DHRS7B: variants seen among roughly 807,000 people sequenced by gnomAD.
The protein encoded by DHRS7B is dehydrogenase/reductase 7B.
In DHRS7B, 24 loss-of-function variants were observed where a neutral mutation model predicts 26.4. The ratio of observed to expected loss-of-function variants is 0.91; its 90% CI spans 0.66 to 1.28. DHRS7B has a LOEUF of 1.28. Among genes scored for constraint, DHRS7B ranks in the 50% most tolerant of loss-of-function variants. The pLI, the probability that DHRS7B is intolerant of heterozygous loss-of-function variation, is 0.00. For missense variants in DHRS7B, 368 were observed against 419.4 expected, an observed-to-expected ratio of 0.88 and a Z score of 1.07; for synonymous variants, 142 against 166.4, an observed-to-expected ratio of 0.85 and a Z score of 1.13.
intron 1 of DHRS7B, among the ~76,000 whole-genome samples, chr17:21,142,321 A>G (rs1973535495): frequency 6.6e-6 from 1 of 152,158 alleles, no homozygotes; most frequent in Non-Finnish European, 1.5e-5. Context: ...TATAGATAAC[A>G]TCAGTTGCTA....
intron 1 of DHRS7B, among the ~76,000 whole-genome samples, chr17:21,137,887 A>G (rs114267584): frequency 0.018 from 2,594 of 140,442 alleles, 101 homozygotes; most frequent in African/African-American, 0.066. Flanking sequence ...CACCGCACCC[A>G]GCCTCTGGCT....
chr17:21,154,404 A>C (rs980430565), intron 1 of DHRS7B, among the ~76,000 whole-genome samples: 38 of 152,222 alleles, frequency 2.5e-4, no homozygotes, highest in Non-Finnish European at 4.4e-4. Flanking sequence ...AGGAAAAAAA[A>C]CCCACCAACC....
intron 1 of DHRS7B, among the ~76,000 whole-genome samples, chr17:21,167,569 C>T (rs150511535): frequency 3.0e-4 from 45 of 152,176 alleles, no homozygotes; most frequent in Non-Finnish European, 5.1e-4. Flanking sequence ...TTCCAGATGC[C>T]GTGTGCACTA....
chr17:21,138,095 T>G (rs375437866), intron 1 of DHRS7B, among the ~76,000 whole-genome samples: 1 of 81,662 alleles, frequency 1.2e-5, no homozygotes, highest in Non-Finnish European at 2.2e-5. Flanking sequence ...TATATATATA[T>G]ATATATACAC....
intron 1 of DHRS7B, among the ~76,000 whole-genome samples, chr17:21,138,846 T>C (rs1002454386): frequency 1.3e-5 from 2 of 152,134 alleles, no homozygotes; most frequent in Non-Finnish European, 2.9e-5. Context: ...ATACCTATTA[T>C]TTAATTTAAT....
At chr17:21,153,216 CA>C (rs1973809985) in intron 1 of DHRS7B, among the ~76,000 whole-genome samples, 1 of 151,966 alleles carries the variant, frequency 6.6e-6, no homozygotes, top group African/African-American at 2.4e-5. Flanking sequence ...AGAAGAAAAA[CA>C]AAATGCTAGA....
intron 3 of DHRS7B, among the ~76,000 whole-genome samples, chr17:21,182,841 C>A (rs1206064632): frequency 6.6e-6 from 1 of 152,174 alleles, no homozygotes; most frequent in Non-Finnish European, 1.5e-5. Context: ...AGAGATATTG[C>A]TCTATAATTT....
chr17:21,179,826 G>A lies in DHRS7B; in HGVS notation c.309+1484G>A, dbSNP rs1160619353. Among the ~76,000 whole-genome samples the A allele has an allele frequency of 2.0e-5, 3 of 150,264 alleles. No individual in the cohort carries two copies. In the East Asian group the frequency reaches 5.9e-4, roughly 29 times the overall value. On this transcript the variant is annotated intron_variant, in intron 3 of 6. Transcript: ENST00000395511. ...TTGTTGCCGAGGCTGGAGTGCAACG[G>A]TGCGATCTCAGCTCACCACAACCTC...
chr17:21,174,841 G>T (rs1437197135), intron 2 of DHRS7B, among the ~76,000 whole-genome samples: 1 of 152,186 alleles, frequency 6.6e-6, no homozygotes, highest in East Asian at 1.9e-4. Context: ...AGCAGTTCTA[G>T]CCTCAGGAAT....
chr17:21,139,923 A>C (rs560398318), intron 1 of DHRS7B, among the ~76,000 whole-genome samples: 28 of 151,942 alleles, frequency 1.8e-4, no homozygotes, highest in Admixed American at 9.8e-4. Flanking sequence ...GTAGTGAAAC[A>C]TTGTGTACAC....
chr17:21,168,451 C>A (rs1489554706), intron 1 of DHRS7B, among the ~76,000 whole-genome samples: 1 of 152,112 alleles, frequency 6.6e-6, no homozygotes, highest in African/African-American at 2.4e-5. Context: ...TCACTGTAGC[C>A]TCAACTTCCT....
Position 21,184,368 on chromosome 17 carries a change from C to T in DHRS7B, c.527-3C>T, listed in dbSNP as rs1974582024. The T allele has an allele frequency of 1.2e-6, 2 of 1,613,556 alleles. No homozygotes were observed. The highest frequency in any genetic ancestry group is 1.7e-5 in the Admixed American group (1 of 59,896). On this transcript the variant is annotated splice_region_variant and splice_polypyrimidine_tract_variant and intron_variant, in intron 4 of 6. Transcript: ENST00000395511. ...TTGCCTAAGCCTCTGCATCTGTCCT[C>T]AGCACTCCTGCCCTCCATGATCAAG... is the stretch of plus-strand genomic sequence containing the variant.
chr17:21,132,307 C>T (rs1242234277), intron 1 of DHRS7B, among the ~76,000 whole-genome samples: 1 of 148,774 alleles, frequency 6.7e-6, no homozygotes, highest in Non-Finnish European at 1.5e-5. Context: ...TTGAGACCAC[C>T]CTGGGCAACA....
intron 1 of DHRS7B, among the ~76,000 whole-genome samples, chr17:21,134,707 CATAA>C (rs1973305793): frequency 6.6e-6 from 1 of 152,176 alleles, no homozygotes; most frequent in South Asian, 2.1e-4. Flanking sequence ...TAAGAATACT[CATAA>C]ATAGTTTCCA....
Position 21,191,032 on chromosome 17 carries a change from A to G in DHRS7B, c.857A>G (p.Asp286Gly). The change falls in exon 7 of 7, where the codon GAT (aspartate) becomes GGT (glycine). Residue 286 changes from aspartate to glycine, a missense_variant. Asp to Gly is a moderately conservative substitution (Grantham distance 94). Coordinates refer to ENST00000395511, the MANE Select transcript of DHRS7B (RefSeq NM_015510.5). Reference protein sequence around the residue: ...VLAAVGKKKKDVILADLLPSL... With the variant: ...VLAAVGKKKKGVILADLLPSL... Reference sequence around the variant, plus strand: ...GCTGCTGTGGGGAAGAAGAAGAAAGATGTGATCCTGGCTGACTTACTGCCT... The same window carrying G: ...GCTGCTGTGGGGAAGAAGAAGAAAGGTGTGATCCTGGCTGACTTACTGCCT... 1 of 1,614,274 alleles carries G rather than the reference A, an allele frequency of 6.2e-7. No homozygotes were observed.
At chr17:21,130,226 G>A (rs558206230) in intron 1 of DHRS7B, among the ~76,000 whole-genome samples, 2 of 152,138 alleles carry the variant, frequency 1.3e-5, no homozygotes, top group East Asian at 1.9e-4. Flanking sequence ...GGCGAACCCC[G>A]TCTCTATTAA....
chr17:21,146,196 C>T (rs928961490), intron 1 of DHRS7B, among the ~76,000 whole-genome samples: 19 of 152,154 alleles, frequency 1.2e-4, no homozygotes, highest in Non-Finnish European at 2.6e-4. Flanking sequence ...ATTGCCTGAA[C>T]TCAGGAGCTC....
intron 6 of DHRS7B, among the ~76,000 whole-genome samples, chr17:21,190,448 A>C (rs1318243677): frequency 1.3e-5 from 2 of 152,188 alleles, no homozygotes; most frequent in Non-Finnish European, 2.9e-5. Context: ...TATGGGGGTC[A>C]ATAGTCCCCA....
chr17:21,183,770 C>A lies in DHRS7B; in HGVS notation c.486C>A (p.Val162=), dbSNP rs774997468. 3 of 1,614,072 alleles carry A rather than the reference C, an allele frequency of 1.9e-6. No individual in the cohort carries two copies. In the African/African-American group the frequency reaches 4.0e-5, roughly 22 times the overall value. ...CCACAGTGGATGTGGACAAGAGGGT[C>A]ATGGAGACAAACTACTTTGGCCCAG... ...MDTTVDVDKR[V]METNYFGPVA... is the part of the protein sequence containing the mutation. The change falls in exon 4 of 7, where the codon GTC becomes GTA. Residue 162 remains valine, a synonymous_variant. Transcript: ENST00000395511.
Sources: allele counts gnomAD v4.1 joint callset (sites outside exome capture counted in the v4.1 genomes callset), GRCh38; gene constraint gnomAD v4.1.1; transcripts MANE v1.5; gene names NCBI Gene and HGNC (gene_info 2026-07-23, HGNC 2026-07-21).